Variants in EFHC2 observed in about 807,000 individuals in gnomAD.
EFHC2 encodes EF-hand domain-containing family member C2.
A neutral mutation model predicts 52.7 loss-of-function variants in EFHC2; 18 were observed. The ratio of observed to expected loss-of-function variants is 0.34; its 90% confidence interval spans 0.24 to 0.51. The LOEUF is 0.51. Ranked by LOEUF, EFHC2 falls within the 20% of genes least tolerant of loss-of-function variation. The pLI, the probability that EFHC2 is intolerant of heterozygous loss-of-function variation, is 0.97. For synonymous variants in EFHC2, 203 were observed against 204.1 expected, an observed-to-expected ratio of 0.99 and a Z score of 0.04; for missense variants, 513 against 562.5, an observed-to-expected ratio of 0.91 and a Z score of 0.89.
chrX:44,302,502 A>T (rs944582339), intron 2 of EFHC2, among the ~76,000 whole-genome samples: 1 of 112,677 alleles, frequency 8.9e-6, no homozygotes, highest in Non-Finnish European at 1.9e-5. Context: ...AGAAGATTAA[A>T]GAAACCTACA....
chrX:44,281,754 C>A (rs1281639902), intron 2 of EFHC2, among the ~76,000 whole-genome samples: 1 of 111,942 alleles, frequency 8.9e-6, no homozygotes, highest in South Asian at 3.7e-4. Context: ...GAAAATATGG[C>A]TAAACTTTAA....
At chrX:44,247,742 TAATC>T (rs2037411224) in intron 7 of EFHC2, among the ~76,000 whole-genome samples, 1 of 111,532 alleles carries the variant, frequency 9.0e-6, no homozygotes, top group Non-Finnish European at 1.9e-5. Context: ...AGTAGGTGCT[TAATC>T]AATCACTCAT....
intron 11 of EFHC2, among the ~76,000 whole-genome samples, chrX:44,201,775 T>C (rs181649544): frequency 8.9e-6 from 1 of 112,241 alleles, no homozygotes; most frequent in Non-Finnish European, 1.9e-5. Context: ...AAACAGTGAA[T>C]GTTCTGAAAC....
At chrX:44,286,412 G>A (rs2037748659) in intron 2 of EFHC2, among the ~76,000 whole-genome samples, 1 of 112,166 alleles carries the variant, frequency 8.9e-6, no homozygotes, top group South Asian at 3.7e-4. Flanking sequence ...AAACCTTTTC[G>A]TAAGACTTCT....
intron 14 of EFHC2, among the ~76,000 whole-genome samples, chrX:44,149,223 G>A (rs184167369): frequency 8.9e-6 from 1 of 112,060 alleles, no homozygotes; most frequent in Non-Finnish European, 1.9e-5. Flanking sequence ...AGAGGCTCTA[G>A]CGTGCTGGCA....
chrX:44,286,044 G>T, intron 2 of EFHC2: 1 of 114,354 alleles, frequency 8.7e-6, no homozygotes. Flanking sequence ...GAAACTGTGA[G>T]AAAGATCCCG....
chrX:44,300,684 A>T (rs925655669), intron 2 of EFHC2, among the ~76,000 whole-genome samples: 8 of 111,736 alleles, frequency 7.2e-5, no homozygotes, highest in Admixed American at 5.7e-4. Context: ...CTGCCTAGGG[A>T]CTAGACTGCC....
In EFHC2 at chrX:44,178,580, A is replaced by G; in HGVS notation, c.1752-16T>C. ...CAATATGTCTCTGTAATAAAAATGG[A>G]AAAACATTTATAAACTGATATCTAA... On this transcript the variant is annotated splice_polypyrimidine_tract_variant and intron_variant, in intron 11 of 14. Transcript: ENST00000420999. 8.9e-7 allele frequency: 1 copy of G among 1,119,289 alleles called. No homozygotes were observed. Among genetic ancestry groups the G allele is most frequent in the Non-Finnish European group, 1.2e-6 (1 of 835,557 alleles). The allele number at this position is 1,119,289 out of a possible 1,213,427, so 92.2% of individuals were successfully genotyped here.
At chrX:44,322,335 T>C (rs756893911) in intron 1 of EFHC2, among the ~76,000 whole-genome samples, 9 of 112,381 alleles carry the variant, frequency 8.0e-5, no homozygotes, top group Admixed American at 2.8e-4. Context: ...GCCTTGCACA[T>C]AGTAGGTGTT....
chrX:44,294,301 TAGC>T (rs1006648542), intron 2 of EFHC2, among the ~76,000 whole-genome samples: 6 of 103,039 alleles, frequency 5.8e-5, no homozygotes, highest in African/African-American at 1.8e-4. Context: ...TGTGTAAAAT[TAGC>T]AGGAATAATA....
chrX:44,155,461 T>C (rs1384987328), intron 14 of EFHC2, among the ~76,000 whole-genome samples: 1 of 112,550 alleles, frequency 8.9e-6, no homozygotes, highest in African/African-American at 3.2e-5. Flanking sequence ...GGAAATTTAA[T>C]TGGATTATGT....
In EFHC2 at chrX:44,277,281, A is replaced by AAG. The variant is rs35893563; in HGVS notation, c.232-4446_232-4445insCT. On this transcript the variant is annotated intron_variant, in intron 2 of 14. Coordinates refer to ENST00000420999, the MANE Select transcript of EFHC2 (RefSeq NM_025184.4). ...CTCAAAAAAAAAAAAAAAAAAAAAA[A>AAG]TCTTACAGCTGAATTTCTAGAGAAG... 2.0e-3 allele frequency among the ~76,000 whole-genome samples: 208 copies of AAG among 102,342 alleles called. 3 individuals carry two copies. Among genetic ancestry groups the AAG allele is most frequent in the African/African-American group, 4.2e-3 (111 of 26,452 alleles). 88.9% of individuals were successfully genotyped at this position (102,342 alleles called of 115,157 possible).
chrX:44,286,630 C>A (rs1054678387), intron 2 of EFHC2, among the ~76,000 whole-genome samples: 1 of 111,280 alleles, frequency 9.0e-6, no homozygotes, highest in African/African-American at 3.3e-5. Flanking sequence ...AGTCACCCTC[C>A]TACTTGTCTT....
chrX:44,191,063 C>T (rs185073799), intron 11 of EFHC2, among the ~76,000 whole-genome samples: 156 of 111,664 alleles, frequency 1.4e-3, no homozygotes, highest in African/African-American at 4.8e-3. Context: ...GGGACAAAAG[C>T]GCTCAGCAAG....
At chrX:44,281,515 T>C (rs1162978865) in intron 2 of EFHC2, among the ~76,000 whole-genome samples, 3 of 111,950 alleles carry the variant, frequency 2.7e-5, no homozygotes, top group Non-Finnish European at 5.6e-5. Flanking sequence ...GCCTCCTTCC[T>C]GTAAAATCCA....
At chrX:44,209,111 T>C (rs1318798091) in intron 11 of EFHC2, among the ~76,000 whole-genome samples, 1 of 105,005 alleles carries the variant, frequency 9.5e-6, no homozygotes, top group African/African-American at 3.5e-5. Context: ...AAATTAATCT[T>C]AGATTAATTT....
At chrX:44,198,128 T>C (rs1243413606) in intron 11 of EFHC2, among the ~76,000 whole-genome samples, 2 of 111,375 alleles carry the variant, frequency 1.8e-5, no homozygotes, top group Admixed American at 9.6e-5. Context: ...AATATAATCA[T>C]GGAAAAAGAA....
chrX:44,235,063 G>A (rs1002332876), intron 9 of EFHC2, among the ~76,000 whole-genome samples: 7 of 111,279 alleles, frequency 6.3e-5, no homozygotes, highest in African/African-American at 2.3e-4. Context: ...GTGGCAAGAA[G>A]GAGGTAACCC....
chrX:44,172,450 T>C (rs1478339286), intron 13 of EFHC2, among the ~76,000 whole-genome samples: 3 of 112,557 alleles, frequency 2.7e-5, no homozygotes, highest in Admixed American at 1.9e-4. Context: ...AAGAATCGCA[T>C]GGTCAGGAAA....
Sources: allele counts gnomAD v4.1 joint callset (sites outside exome capture counted in the v4.1 genomes callset), GRCh38; gene constraint gnomAD v4.1.1; transcripts MANE v1.5; gene names NCBI Gene and HGNC (gene_info 2026-07-23, HGNC 2026-07-21).